The following IGSF21 variants were observed in gnomAD, a reference collection of about 807,000 sequenced individuals.
The protein encoded by IGSF21 is immunoglobulin superfamily member 21.
Under a neutral mutation model 46.8 loss-of-function variants are expected in IGSF21, and 28 were observed. That is an observed-to-expected ratio of 0.60 (90% CI 0.44 to 0.82). The LOEUF is 0.82. IGSF21 is among the 40% of genes least tolerant of loss of function. IGSF21 has a pLI of 0.00. For missense variants in IGSF21, 624 were observed against 665.5 expected (o/e 0.94, Z 0.69); for synonymous variants, 284 against 273.6 (o/e 1.04, Z -0.38).
intron 1 of IGSF21, among the ~76,000 whole-genome samples, chr1:18,150,414 G>A (rs866324407): frequency 2.6e-5 from 4 of 152,232 alleles, no homozygotes; most frequent in South Asian, 2.1e-4. Context: ...ATGGCGGGGG[G>A]GGTCTCAGGA....
At chr1:18,126,809 C>A (rs115999200) in intron 1 of IGSF21, among the ~76,000 whole-genome samples, 1 of 152,152 alleles carries the variant, frequency 6.6e-6, no homozygotes, top group East Asian at 1.9e-4. Flanking sequence ...TTCCTCCCCC[C>A]ACACCCCCTC....
At chr1:18,179,466 C>A (rs2086835764) in intron 1 of IGSF21, 1 of 152,182 alleles carries the variant, frequency 6.6e-6, no homozygotes, top group South Asian at 2.1e-4. Flanking sequence ...TATTTTATGA[C>A]CACATTGGAA....
chr1:18,309,374 T>G (rs2085458129), intron 3 of IGSF21, among the ~76,000 whole-genome samples: 1 of 152,230 alleles, frequency 6.6e-6, no homozygotes, highest in South Asian at 2.1e-4. Flanking sequence ...GATGCCACTG[T>G]TAACCCCATT....
At chr1:18,145,112 T>G (rs1286217576) in intron 1 of IGSF21, among the ~76,000 whole-genome samples, 2 of 152,190 alleles carry the variant, frequency 1.3e-5, no homozygotes, top group African/African-American at 4.8e-5. Flanking sequence ...CAGAGATGAC[T>G]GCTGCTCGTG....
chr1:18,229,052 C>T (rs768668622), intron 2 of IGSF21, among the ~76,000 whole-genome samples: 30 of 151,542 alleles, frequency 2.0e-4, no homozygotes, highest in Non-Finnish European at 3.8e-4. Flanking sequence ...GTTCTTAGCT[C>T]GCTGGCTGTA....
intron 2 of IGSF21, among the ~76,000 whole-genome samples, chr1:18,288,749 C>G (rs966201050): frequency 6.6e-6 from 1 of 152,224 alleles, no homozygotes; most frequent in Non-Finnish European, 1.5e-5. Flanking sequence ...TTCCGAGAGG[C>G]TGAGGGAGGA....
intron 1 of IGSF21, among the ~76,000 whole-genome samples, chr1:18,134,361 A>G (rs2086349828): frequency 6.6e-6 from 1 of 151,990 alleles, no homozygotes; most frequent in African/African-American, 2.4e-5. Context: ...AGATGTTCTG[A>G]TTCCTTGTGG....
chr1:18,335,084 C>T lies in IGSF21; in HGVS notation c.424+74C>T. 4.3e-6 allele frequency: 5 copies of T among 1,160,912 alleles called. No individual in the cohort carries two copies. Among genetic ancestry groups the T allele is most frequent in the Non-Finnish European group, 6.5e-6 (5 of 773,012 alleles). The allele number at this position is 1,160,912 out of a possible 1,614,324, so 71.9% of individuals were successfully genotyped here. A position where few individuals can be genotyped will look rare whatever the true frequency, so the allele number is the denominator to read the frequency against. ...ATGCTTGAGTGTGTGAATGTGCGCA[C>T]AGAGTGGCCATCCTGGGGGCCATCC... On this transcript the variant is annotated intron_variant, in intron 4 of 9. Coordinates refer to ENST00000251296, the MANE Select transcript of IGSF21 (RefSeq NM_032880.5). This position sits in a 1 kb window ranked among gnomAD's most constrained non-coding sequence, Gnocchi z 4.8.
At chr1:18,367,026 C>T (rs904428031) in intron 6 of IGSF21, among the ~76,000 whole-genome samples, 1 of 152,168 alleles carries the variant, frequency 6.6e-6, no homozygotes, top group African/African-American at 2.4e-5. Flanking sequence ...GTCCTTTGAA[C>T]CTTGATTTGC....
chr1:18,173,692 G>T (rs993876683), intron 1 of IGSF21, among the ~76,000 whole-genome samples: 1 of 152,192 alleles, frequency 6.6e-6, no homozygotes, highest in East Asian at 1.9e-4. Context: ...CTGTTATGAG[G>T]AAATAGCAGA....
rs1378720517 is a variant in IGSF21, at chr1:18,227,990, C to A, written c.163C>A (p.Arg55=). ...TAACTTCAAGACAGATGGGCGCATG[C>A]GGGAGATCGTGTGGTACCGGGTAAG... ...KCNFKTDGRM[R]EIVWYRVTDG... The change falls in exon 2 of 10, where the codon CGG becomes AGG. Residue 55 remains arginine, a synonymous_variant. Transcript: ENST00000251296. The A allele has an allele frequency of 6.2e-7, 1 of 1,613,700 alleles. No homozygotes were observed. The highest frequency in any genetic ancestry group is 8.5e-7 in the Non-Finnish European group (1 of 1,179,658).
intron 2 of IGSF21, among the ~76,000 whole-genome samples, chr1:18,241,746 G>A (rs1024519591): frequency 1.3e-5 from 2 of 152,250 alleles, no homozygotes; most frequent in Middle Eastern, 3.4e-3. Context: ...CAGGTGCTGC[G>A]CTAGGTATGT....
At chr1:18,161,470 C>A (rs967463636) in intron 1 of IGSF21, among the ~76,000 whole-genome samples, 4 of 152,060 alleles carry the variant, frequency 2.6e-5, no homozygotes, top group Admixed American at 6.5e-5. Context: ...CTACCCAGGC[C>A]ACCAAAAGCC....
At chr1:18,161,604 C>A (rs1217633589) in intron 1 of IGSF21, among the ~76,000 whole-genome samples, 1 of 152,122 alleles carries the variant, frequency 6.6e-6, no homozygotes, top group Non-Finnish European at 1.5e-5. Context: ...AAGCCTGAAC[C>A]CTCAGCAATC....
Position 18,174,647 on chromosome 1 carries a change from G to A in IGSF21, c.71-53251G>A, listed in dbSNP as rs1287386871. ...CTTAGGGTTCTCTTTGCCTGGCAGG[G>A]CAGTTTTGCCCACCCGATTCCCATC... is the stretch of plus-strand genomic sequence containing the variant. On this transcript the variant is annotated intron_variant, in intron 1 of 9. Transcript: ENST00000251296. Among the ~76,000 whole-genome samples, 3 of 152,158 alleles carry A rather than the reference G, an allele frequency of 2.0e-5. No homozygotes were observed. In the East Asian group the frequency reaches 5.8e-4, roughly 29 times the overall value.
intron 3 of IGSF21, among the ~76,000 whole-genome samples, chr1:18,303,138 T>C (rs926507739): frequency 2.6e-5 from 4 of 152,044 alleles, no homozygotes; most frequent in Admixed American, 1.3e-4. Flanking sequence ...CCCTTATTCA[T>C]CTCTAGGTTC....
chr1:18,309,443 C>A (rs74982172), intron 3 of IGSF21, among the ~76,000 whole-genome samples: 4,646 of 152,260 alleles, frequency 0.031, 201 homozygotes, highest in African/African-American at 0.094. Flanking sequence ...GGTTAGGCAC[C>A]TGGCAAGGGG....
chr1:18,132,961 T>C (rs1478976889), intron 1 of IGSF21, among the ~76,000 whole-genome samples: 2 of 149,000 alleles, frequency 1.3e-5, no homozygotes, highest in Non-Finnish European at 3.0e-5. Flanking sequence ...TCTTCCTTTC[T>C]TCTTGCCAGA....
intron 1 of IGSF21, among the ~76,000 whole-genome samples, chr1:18,136,628 G>A (rs1164019616): frequency 2.0e-5 from 3 of 152,068 alleles, no homozygotes; most frequent in Non-Finnish European, 4.4e-5. Flanking sequence ...ATCTCTTTTG[G>A]TACCAGTACC....
Sources: allele counts gnomAD v4.1 joint callset (sites outside exome capture counted in the v4.1 genomes callset), GRCh38; gene constraint gnomAD v4.1.1; non-coding constraint Gnocchi (gnomAD v3.1); transcripts MANE v1.5; gene names NCBI Gene and HGNC (gene_info 2026-07-23, HGNC 2026-07-21).